FBXL19: variants seen among roughly 807,000 people sequenced by gnomAD.
FBXL19 encodes the protein F-box and leucine rich repeat protein 19, also known as F-box/LRR-repeat protein 19.
FBXL19 carries 16 observed loss-of-function variants against 71.2 expected under a neutral mutation model. That is an observed-to-expected ratio of 0.22 (90% CI 0.15 to 0.34). The LOEUF is 0.34. FBXL19 is among the 10% of genes least tolerant of loss of function. The pLI is 1.00. For missense variants in FBXL19, 658 were observed against 968.2 expected, an observed-to-expected ratio of 0.68 and a Z score of 4.25; for synonymous variants, 447 against 409.4, an observed-to-expected ratio of 1.09 and a Z score of -1.11.
rs765904036 is a variant in FBXL19 at position 30,942,501 on chromosome 16, G to A, written c.1592G>A (p.Arg531Gln). 5.0e-6 allele frequency: 8 copies of A among 1,595,086 alleles called. No homozygotes were observed. Among genetic ancestry groups the A allele is most frequent in the South Asian group, 2.3e-5 (2 of 88,012 alleles). Residue 531 changes from arginine (R) to glutamine (Q), a missense_variant, in exon 9 of 11, where the codon CGG becomes CAG. Arg to Gln is a conservative substitution (Grantham distance 43). Coordinates refer to ENST00000338343, the MANE Select transcript of FBXL19 (RefSeq NM_001382779.1). The surrounding 1 kb of genome is among the most constrained non-coding windows in gnomAD (Gnocchi z 5.7). ...GAGGATGTTAAAGACTCCCAGCTCC[G>A]GGAGTTGCTGCTGCCTCCACCAGAC... Reference protein sequence around the residue: ...WIEDVKDSQLRELLLPPPDTK... With the variant: ...WIEDVKDSQLQELLLPPPDTK...
intron 7 of FBXL19, among the ~76,000 whole-genome samples, chr16:30,939,425 T>C (rs1310999019): frequency 6.7e-6 from 1 of 149,044 alleles, no homozygotes; most frequent in East Asian, 2.0e-4. Context: ...TTTTTTGTTT[T>C]TTTTTTGAGA....
chr16:30,943,349 C>T (rs1161698043), intron 9 of FBXL19, among the ~76,000 whole-genome samples: 1 of 150,744 alleles, frequency 6.6e-6, no homozygotes, highest in Non-Finnish European at 1.5e-5. Flanking sequence ...GCCACCACGC[C>T]TGGCTAATTT....
intron 7 of FBXL19, among the ~76,000 whole-genome samples, chr16:30,939,302 A>G (rs2143369387): frequency 6.6e-6 from 1 of 150,630 alleles, no homozygotes; most frequent in South Asian, 2.1e-4. Context: ...CAATCTCCTG[A>G]CCTCGTGATC....
chr16:30,923,401 GT>G (rs1489357017), upstream of FBXL19: 4 of 362,966 alleles, frequency 1.1e-5, no homozygotes, highest in South Asian at 4.0e-5. Context: ...CGTAGCATCA[GT>G]GGCCGCAGGA....
At chr16:30,944,078 C>T (rs1208133503) in intron 9 of FBXL19, among the ~76,000 whole-genome samples, 1 of 150,708 alleles carries the variant, frequency 6.6e-6, no homozygotes, top group African/African-American at 2.4e-5. Flanking sequence ...AATGGTGCAT[C>T]CTGGGAGGTG....
In FBXL19 at chr16:30,928,547, G is replaced by T. The variant is rs541182178; in HGVS notation, c.708G>T (p.Pro236=). The T allele has an allele frequency of 1.9e-6, 3 of 1,607,448 alleles. No individual in the cohort carries two copies. The highest frequency in any genetic ancestry group is 1.3e-5 in the African/African-American group (1 of 74,482). Residue 236 remains proline, a synonymous_variant, in exon 6 of 11, where the codon CCG becomes CCT. Transcript: ENST00000338343. ...TCCGAGGATCGGACCCAGGCGGCCC[G>T]GGCCTGCTGCCCCCCAGGGTTCTGA... The part of the protein sequence containing the change: ...CLLRGSDPGG[P]GLLPPRVLNP...
chr16:30,945,068 C>T (rs531020965), intron 9 of FBXL19, among the ~76,000 whole-genome samples: 24 of 152,298 alleles, frequency 1.6e-4, no homozygotes, highest in African/African-American at 4.6e-4. Context: ...TAAAAATGTC[C>T]TTTTTGTAGT....
upstream of FBXL19, chr16:30,922,884 G>A: frequency 2.6e-6 from 1 of 377,702 alleles, no homozygotes; most frequent in Non-Finnish European, 5.4e-6. Context: ...AGGTGCCCAA[G>A]GTGGTGGAAA....
At chr16:30,945,881 G>A (rs1263342520) in intron 9 of FBXL19, among the ~76,000 whole-genome samples, 3 of 146,786 alleles carry the variant, frequency 2.0e-5, no homozygotes, top group South Asian at 2.1e-4. Flanking sequence ...AAAGGAAAAC[G>A]TATGTATGTC....
intron 9 of FBXL19, among the ~76,000 whole-genome samples, chr16:30,943,829 T>A (rs74015053): frequency 0.011 from 1,615 of 152,266 alleles, 26 homozygotes; most frequent in African/African-American, 0.037. Context: ...TTGGAGTTCT[T>A]TCACCCCTCT....
chr16:30,933,515 T>C (rs2055697907), intron 7 of FBXL19, among the ~76,000 whole-genome samples: 3 of 151,706 alleles, frequency 2.0e-5, no homozygotes, highest in African/African-American at 7.3e-5. Flanking sequence ...AGTGGTGCAG[T>C]CATAGCTCAT....
At chr16:30,943,616 C>T (rs572215604) in intron 9 of FBXL19, among the ~76,000 whole-genome samples, 4 of 151,998 alleles carry the variant, frequency 2.6e-5, no homozygotes, top group Non-Finnish European at 4.4e-5. Flanking sequence ...CCTCATGATC[C>T]GCCTGCCTCG....
chr16:30,937,426 A>C (rs1051317782), intron 7 of FBXL19, among the ~76,000 whole-genome samples: 1 of 151,590 alleles, frequency 6.6e-6, no homozygotes, highest in African/African-American at 2.4e-5. Flanking sequence ...GCCCCTTGTC[A>C]CCTCAGTTAC....
chr16:30,935,471 C>T (rs921831168), intron 7 of FBXL19, among the ~76,000 whole-genome samples: 4 of 152,012 alleles, frequency 2.6e-5, no homozygotes, highest in Admixed American at 6.6e-5. Flanking sequence ...GAGAGGGCAG[C>T]AGGGAAGGCG....
intron 7 of FBXL19, among the ~76,000 whole-genome samples, chr16:30,934,935 T>C (rs1216737299): frequency 6.6e-6 from 1 of 152,122 alleles, no homozygotes; most frequent in African/African-American, 2.4e-5. Flanking sequence ...GGGCAAAAGA[T>C]CATACATCAG....
At chr16:30,923,284 C>T (rs773027734), upstream of FBXL19, 1 of 443,574 alleles carries the variant, frequency 2.3e-6, no homozygotes, top group Non-Finnish European at 4.6e-6. Context: ...AACTGGGAGC[C>T]TCGGGGCAAC....
chr16:30,940,469 A>G lies in FBXL19; in HGVS notation c.1302-1647A>G, dbSNP rs957473781. On this transcript the variant is annotated intron_variant, in intron 7 of 10. Transcript: ENST00000338343. ...GGGCCTGCTGCTTCTGACACAGTCTATTGAGTCTCAGAGGCATTTCTGGAC... is the reference window on the plus strand; with the variant it reads ...GGGCCTGCTGCTTCTGACACAGTCTGTTGAGTCTCAGAGGCATTTCTGGAC... Among the ~76,000 whole-genome samples, 18 of 151,940 alleles carry G rather than the reference A, an allele frequency of 1.2e-4. No homozygotes were observed. In the South Asian group the frequency reaches 1.2e-3, roughly 11 times the overall value.
chr16:30,927,684 G>C lies in FBXL19; in HGVS notation c.408+25G>C, dbSNP rs201806396. The C allele has an allele frequency of 4.2e-5, 66 of 1,559,898 alleles. No individual in the cohort carries two copies. The East Asian group carries it at 1.5e-3, about 36-fold the overall frequency. On this transcript the variant is annotated intron_variant, in intron 4 of 10. Coordinates refer to ENST00000338343, the MANE Select transcript of FBXL19 (RefSeq NM_001382779.1). The stretch of plus-strand genomic sequence containing the variant: ...GGTAGGGGCTGGGCTGGGCTGAGCT[G>C]TGGGTAGGTGGGTGTTGGGGAGCTG...
intron 7 of FBXL19, among the ~76,000 whole-genome samples, chr16:30,940,141 C>G (rs1305904000): frequency 6.6e-6 from 1 of 152,046 alleles, no homozygotes; most frequent in Non-Finnish European, 1.5e-5. Context: ...GCCTGTAATC[C>G]CAGCTACTCT....
Sources: allele counts gnomAD v4.1 joint callset (sites outside exome capture counted in the v4.1 genomes callset), GRCh38; gene constraint gnomAD v4.1.1; non-coding constraint Gnocchi (gnomAD v3.1); transcripts MANE v1.5; gene names NCBI Gene and HGNC (gene_info 2026-07-23, HGNC 2026-07-21).